Variants in SULT4A1 observed in about 807,000 individuals in gnomAD.
SULT4A1 encodes the protein sulfotransferase family 4A member 1.
A neutral mutation model predicts 35.2 loss-of-function variants in SULT4A1; 11 were observed. The observed-to-expected ratio is 0.31, with a 90% confidence interval of 0.20 to 0.52. SULT4A1 has a LOEUF of 0.52. Ranked by LOEUF, SULT4A1 falls within the 20% of genes least tolerant of loss-of-function variation. The pLI is 0.97. For synonymous variants in SULT4A1, 152 were observed against 151.8 expected, an observed-to-expected ratio of 1.00 and a Z score of -0.01; for missense variants, 271 against 383.7, an observed-to-expected ratio of 0.71 and a Z score of 2.45.
intron 6 of SULT4A1, chr22:43,827,089 G>A (rs1434389784): frequency 5.1e-6 from 5 of 985,332 alleles, no homozygotes; most frequent in Admixed American, 6.1e-5. Context: ...TGTCTGGGGC[G>A]GGGATTCCAA....
chr22:43,843,638 G>A (rs912930570), intron 1 of SULT4A1, among the ~76,000 whole-genome samples: 12 of 152,224 alleles, frequency 7.9e-5, no homozygotes, highest in African/African-American at 2.9e-4. Context: ...AGGCCCAAGA[G>A]GACAGGCTTT....
At chr22:43,835,758 T>C (rs1287151213) in intron 4 of SULT4A1, among the ~76,000 whole-genome samples, 3 of 152,118 alleles carry the variant, frequency 2.0e-5, no homozygotes, top group Non-Finnish European at 4.4e-5. Flanking sequence ...TAGCAAGATG[T>C]CAAAAACAGA....
intron 2 of SULT4A1, 58 bp downstream of exon 2, chr22:43,841,744 T>A: frequency 6.3e-7 from 1 of 1,581,834 alleles, no homozygotes; most frequent in Admixed American, 1.7e-5. Context: ...ATCATCAGGG[T>A]GTAACGGTAG....
intron 1 of SULT4A1, 92 bp downstream of exon 1, chr22:43,862,122 C>CG (rs1231602640): frequency 2.2e-5 from 24 of 1,097,960 alleles, no homozygotes; most frequent in Non-Finnish European, 2.7e-5. Context: ...CCACCCGGCC[C>CG]AGCAGAAGCC....
chr22:43,834,396 C>CG (rs2063350845), intron 4 of SULT4A1, among the ~76,000 whole-genome samples: 2 of 84,698 alleles, frequency 2.4e-5, no homozygotes, highest in African/African-American at 1.1e-4. Flanking sequence ...GCCCCCACCG[C>CG]TGCCCTGAGC....
intron 1 of SULT4A1, among the ~76,000 whole-genome samples, chr22:43,851,120 A>G (rs1312195277): frequency 6.6e-6 from 1 of 151,540 alleles, no homozygotes; most frequent in Non-Finnish European, 1.5e-5. Context: ...TTTTTATTCT[A>G]CTTCCTGGGC....
chr22:43,841,710 C>A, intron 2 of SULT4A1, 92 bp downstream of exon 2: 1 of 1,532,592 alleles, frequency 6.5e-7, no homozygotes. Context: ...CCCTAATCCA[C>A]AGAGCCCCCA....
intron 1 of SULT4A1, among the ~76,000 whole-genome samples, chr22:43,853,820 C>G (rs886165067): frequency 1.3e-5 from 2 of 152,228 alleles, no homozygotes; most frequent in Non-Finnish European, 2.9e-5. Context: ...AGAGCTGGCA[C>G]AGCAAGCAGA....
At chr22:43,860,634 T>G (rs1305551715) in intron 1 of SULT4A1, among the ~76,000 whole-genome samples, 1 of 152,132 alleles carries the variant, frequency 6.6e-6, no homozygotes, top group Non-Finnish European at 1.5e-5. Context: ...TAAGCACTGA[T>G]GCCTGCTACA....
At chr22:43,842,362 C>A (rs1193267446) in intron 1 of SULT4A1, among the ~76,000 whole-genome samples, 2 of 152,158 alleles carry the variant, frequency 1.3e-5, no homozygotes, top group Non-Finnish European at 2.9e-5. Context: ...ATACACATAG[C>A]CCATGATCCA....
chr22:43,832,395 G>A (rs2063331600), intron 5 of SULT4A1, among the ~76,000 whole-genome samples: 1 of 152,166 alleles, frequency 6.6e-6, no homozygotes, highest in Middle Eastern at 3.2e-3. Flanking sequence ...CCGACAGCAT[G>A]CGCCAGCCGG....
Position 43,825,724 on chromosome 22 carries a change from T to A in SULT4A1, c.*277A>T. On this transcript the variant is annotated 3_prime_UTR_variant, in exon 7 of 7. Transcript: ENST00000330884. ...TGAAAAGGCAGACATTCTAGTTGCA[T>A]ATATTACAGGCTTTATCCTTACGGT... The A allele has an allele frequency of 3.6e-6, 1 of 275,138 alleles. No homozygotes were observed. The highest frequency in any genetic ancestry group is 2.2e-5 in the African/African-American group (1 of 45,134). The allele number at this position is 275,138 out of a possible 1,614,324, so 17.0% of individuals were successfully genotyped here. A position where few individuals can be genotyped will look rare whatever the true frequency, so the allele number is the denominator to read the frequency against.
chr22:43,833,564 T>G, intron 5 of SULT4A1, 76 bp downstream of exon 5: 1 of 1,103,578 alleles, frequency 9.1e-7, no homozygotes, highest in Non-Finnish European at 1.3e-6. Context: ...ACGCCCACTG[T>G]AAAGGGCTCC....
intron 1 of SULT4A1, among the ~76,000 whole-genome samples, chr22:43,854,188 G>A (rs780234125): frequency 5.9e-5 from 9 of 152,274 alleles, no homozygotes; most frequent in Non-Finnish European, 1.0e-4. Context: ...CATCTTTGCC[G>A]CGGGACTTCA....
At position 43,851,785 on chromosome 22, in the gene SULT4A1, G is replaced by A. The variant is rs1379277449; in HGVS notation, c.170-9853C>T. 2.6e-5 allele frequency among the ~76,000 whole-genome samples: 4 copies of A among 152,102 alleles called. No homozygotes were observed. In the South Asian group the frequency reaches 6.2e-4, roughly 24 times the overall value. On this transcript the variant is annotated intron_variant, in intron 1 of 6. Transcript: ENST00000330884. ...TCACATCACAGCCTCTCTGGTCCCC[G>A]AAGAAGAAAACTGTCTTGGTGACAG...
At chr22:43,838,806 C>G (rs548496428) in intron 4 of SULT4A1, 61 bp downstream of exon 4, 2 of 1,604,872 alleles carry the variant, frequency 1.2e-6, no homozygotes, top group Non-Finnish European at 1.7e-6. Flanking sequence ...CAGCACCTGC[C>G]AGGCCGTCCA....
chr22:43,845,210 G>C (rs576867178), intron 1 of SULT4A1, among the ~76,000 whole-genome samples: 2 of 152,120 alleles, frequency 1.3e-5, no homozygotes, highest in Non-Finnish European at 2.9e-5. Context: ...TCCCCGCCCT[G>C]AACGTGGTGA....
chr22:43,854,635 G>A (rs1400169180), intron 1 of SULT4A1, among the ~76,000 whole-genome samples: 1 of 152,196 alleles, frequency 6.6e-6, no homozygotes, highest in African/African-American at 2.4e-5. Flanking sequence ...TGGCCACAGA[G>A]GAACAGGCCC....
chr22:43,838,201 C>A (rs2063392956), intron 4 of SULT4A1, among the ~76,000 whole-genome samples: 1 of 152,244 alleles, frequency 6.6e-6, no homozygotes, highest in Non-Finnish European at 1.5e-5. Context: ...GCGAGTGGGA[C>A]CAAGACAAGA....
Sources: allele counts gnomAD v4.1 joint callset (sites outside exome capture counted in the v4.1 genomes callset), GRCh38; gene constraint gnomAD v4.1.1; transcripts MANE v1.5; gene names NCBI Gene and HGNC (gene_info 2026-07-23, HGNC 2026-07-21).